The following ARHGAP6 variants were observed in gnomAD, a reference collection of about 807,000 sequenced individuals.
ARHGAP6 encodes Rho GTPase activating protein 6, also known as rho GTPase-activating protein 6.
In ARHGAP6, 16 loss-of-function variants were observed where a neutral mutation model predicts 55.7. That is an observed-to-expected ratio of 0.29 (90% CI 0.19 to 0.44). The LOEUF (loss-of-function observed/expected upper bound fraction) is 0.44, where lower values mean the gene tolerates loss of function less well. Among genes scored for constraint, ARHGAP6 ranks in the 20% least tolerant of loss-of-function variants. The pLI, the probability that ARHGAP6 is intolerant of heterozygous loss-of-function variation, is 1.00. For missense variants in ARHGAP6, 698 were observed against 808.9 expected (o/e 0.86, Z 1.66); for synonymous variants, 382 against 360.9 (o/e 1.06, Z -0.66).
intron 1 of ARHGAP6, among the ~76,000 whole-genome samples, chrX:11,468,167 G>A (rs1156944164): frequency 1.8e-5 from 2 of 111,086 alleles, no homozygotes; most frequent in Non-Finnish European, 3.8e-5. Context: ...CTTGATCAGG[G>A]TGCTAGTTAT....
chrX:11,351,533 G>A lies in ARHGAP6; in HGVS notation c.589-96826C>T, dbSNP rs142491496. On this transcript the variant is annotated intron_variant, in intron 1 of 12. Coordinates refer to ENST00000337414, the MANE Select transcript of ARHGAP6 (RefSeq NM_013427.3). ...GATAGTGGCGTTGGAAGTGATTAGA[G>A]TAGAAAGGGGAAGTGAGAAGCCATG... 5.0e-4 allele frequency: 444 copies of A among 894,709 alleles called. 1 individual carries two copies. In the East Asian group the frequency reaches 0.031, roughly 63 times the overall value. The allele number at this position is 894,709 out of a possible 1,213,427, so 73.7% of individuals were successfully genotyped here.
At chrX:11,550,324 C>CCA (rs2051254210) in intron 1 of ARHGAP6, among the ~76,000 whole-genome samples, 1 of 111,778 alleles carries the variant, frequency 8.9e-6, no homozygotes. Flanking sequence ...AATACAGGAA[C>CCA]CTTGGCTGGC....
At chrX:11,551,290 T>C (rs1309417805) in intron 1 of ARHGAP6, among the ~76,000 whole-genome samples, 1 of 111,818 alleles carries the variant, frequency 8.9e-6, no homozygotes, top group Admixed American at 9.5e-5. Flanking sequence ...TTATGTATAT[T>C]CTACTGAAGG....
At chrX:11,561,362 C>T (rs893375164) in intron 1 of ARHGAP6, among the ~76,000 whole-genome samples, 1 of 111,907 alleles carries the variant, frequency 8.9e-6, no homozygotes, top group African/African-American at 3.2e-5. Context: ...AAATTGTATA[C>T]AAATTATGCA....
At chrX:11,258,293 G>A (rs1363553775) in intron 1 of ARHGAP6, among the ~76,000 whole-genome samples, 1 of 109,737 alleles carries the variant, frequency 9.1e-6, no homozygotes, top group Non-Finnish European at 1.9e-5. Context: ...CCACATAGAT[G>A]CTAGAGAATA....
chrX:11,354,325 CTCTATATATATATA>C (rs1294555896), intron 1 of ARHGAP6, among the ~76,000 whole-genome samples: 3 of 47,569 alleles, frequency 6.3e-5, no homozygotes, highest in Non-Finnish European at 1.1e-4. Context: ...CTCTCTCTCT[CTCTATATATATATA>C]TATATATATA....
intron 1 of ARHGAP6, among the ~76,000 whole-genome samples, chrX:11,309,855 A>G (rs1462340519): frequency 8.9e-6 from 1 of 111,863 alleles, no homozygotes; most frequent in Admixed American, 9.5e-5. Context: ...ATTAGCCATC[A>G]GGGAAATGCA....
intron 1 of ARHGAP6, among the ~76,000 whole-genome samples, chrX:11,523,226 G>T (rs2050952480): frequency 9.0e-6 from 1 of 111,204 alleles, no homozygotes; most frequent in African/African-American, 3.3e-5. Context: ...GTATTGATGG[G>T]ACATATCTCA....
At chrX:11,148,754 G>A (rs748794886) in intron 10 of ARHGAP6, 12 of 363,657 alleles carry the variant, frequency 3.3e-5, no homozygotes, top group South Asian at 1.2e-4. Flanking sequence ...TTCAATCACC[G>A]GATGGGGCCC....
chrX:11,342,277 T>C (rs1361989346), intron 1 of ARHGAP6, among the ~76,000 whole-genome samples: 2 of 112,082 alleles, frequency 1.8e-5, no homozygotes, highest in Non-Finnish European at 3.8e-5. Flanking sequence ...CCTTTGGTAG[T>C]CTTATTGCTG....
chrX:11,142,214 T>A lies in ARHGAP6; in HGVS notation c.2257+19A>T. 1 of 1,134,006 alleles carries A rather than the reference T, an allele frequency of 8.8e-7. No individual in the cohort carries two copies. The highest frequency in any genetic ancestry group is 1.8e-5 in the African/African-American group (1 of 55,629). 93.5% of individuals were successfully genotyped at this position (1,134,006 alleles called of 1,213,427 possible). A position where few individuals can be genotyped will look rare whatever the true frequency, so the allele number is the denominator to read the frequency against. On this transcript the variant is annotated intron_variant, in intron 12 of 12. Transcript: ENST00000337414. Reference sequence around the variant, plus strand: ...AATTTTAAAAGTAAATGCAATAAAGTTTAAAATTAATACTTCACCTGTCAT... The same window carrying A: ...AATTTTAAAAGTAAATGCAATAAAGATTAAAATTAATACTTCACCTGTCAT...
intron 1 of ARHGAP6, among the ~76,000 whole-genome samples, chrX:11,284,410 A>G (rs2047896336): frequency 8.9e-6 from 1 of 111,814 alleles, no homozygotes; most frequent in African/African-American, 3.3e-5. Context: ...CATTCAACTA[A>G]TATCCATGAT....
intron 1 of ARHGAP6, among the ~76,000 whole-genome samples, chrX:11,495,630 T>C (rs1030457904): frequency 9.0e-6 from 1 of 110,972 alleles, no homozygotes; most frequent in Admixed American, 9.6e-5. Context: ...TTTATGTCTG[T>C]GGCATGCTGA....
intron 1 of ARHGAP6, among the ~76,000 whole-genome samples, chrX:11,557,074 G>A (rs776013386): frequency 3.6e-5 from 4 of 112,065 alleles, no homozygotes; most frequent in Admixed American, 9.5e-5. Flanking sequence ...ACTGAGCTTC[G>A]ATAAAATTAA....
Position 11,138,760 on chromosome X carries a change from T to C in ARHGAP6, c.*103A>G. 1 of 889,146 alleles carries C rather than the reference T, an allele frequency of 1.1e-6. No individual in the cohort carries two copies. Among genetic ancestry groups the C allele is most frequent in the African/African-American group, 2.0e-5 (1 of 49,656 alleles). 73.3% of individuals were successfully genotyped at this position (889,146 alleles called of 1,213,427 possible). A position where few individuals can be genotyped will look rare whatever the true frequency, so the allele number is the denominator to read the frequency against. On this transcript the variant is annotated 3_prime_UTR_variant, in exon 13 of 13. Coordinates refer to ENST00000337414, the MANE Select transcript of ARHGAP6 (RefSeq NM_013427.3). Reference sequence around the variant, plus strand: ...TTTCTCTTGTGTCACTTTTGAGAAGTGTGAAAGAAGAACACTAAGTGTGCC... The same window carrying C: ...TTTCTCTTGTGTCACTTTTGAGAAGCGTGAAAGAAGAACACTAAGTGTGCC...
At chrX:11,333,796 G>A (rs993127756) in intron 1 of ARHGAP6, among the ~76,000 whole-genome samples, 8 of 112,069 alleles carry the variant, frequency 7.1e-5, no homozygotes, top group Admixed American at 6.6e-4. Context: ...ACTTGAGGCT[G>A]ACTGTTAATG....
In ARHGAP6 at chrX:11,538,955, A is replaced by AG; in HGVS notation, c.588+125285dup. Reference sequence around the variant, plus strand: ...CTGCAACCTCTGCCTCCTGGGTTCAAGGGATTCTCACGTCTCAGCCTCCCA... The same window carrying AG: ...CTGCAACCTCTGCCTCCTGGGTTCAAGGGGATTCTCACGTCTCAGCCTCCCA... On this transcript the variant is annotated intron_variant, in intron 1 of 12. Transcript: ENST00000337414. Among the ~76,000 whole-genome samples the AG allele has an allele frequency of 3.7e-5, 4 of 109,393 alleles. 1 individual carries two copies. In the Admixed American group the frequency reaches 3.9e-4, roughly 11 times the overall value. 95.0% of individuals were successfully genotyped at this position (109,393 alleles called of 115,157 possible).
chrX:11,405,626 A>G (rs1464671450), intron 1 of ARHGAP6, among the ~76,000 whole-genome samples: 3 of 112,265 alleles, frequency 2.7e-5, no homozygotes, highest in African/African-American at 9.7e-5. Context: ...TAGTCTAAAC[A>G]TTGAATTGTT....
At position 11,652,230 on chromosome X, in the gene ARHGAP6, G is replaced by A. The variant is rs187064819; in HGVS notation, c.588+12011C>T. Among the ~76,000 whole-genome samples, 83 of 112,142 alleles carry A rather than the reference G, an allele frequency of 7.4e-4. 1 individual carries two copies. Among genetic ancestry groups the A allele is most frequent in the Non-Finnish European group, 7.5e-4 (40 of 53,204 alleles). ...CTATGTTCTGAATGGTATTGCTTCA[G>A]TTGTCCTCCACGGTTTTTACAGTGT... On this transcript the variant is annotated intron_variant, in intron 1 of 12. Coordinates refer to ENST00000337414, the MANE Select transcript of ARHGAP6 (RefSeq NM_013427.3).
Sources: gnomAD v4.1 joint callset for allele counts (sites outside exome capture counted in the v4.1 genomes callset) on GRCh38, gnomAD v4.1.1 for gene constraint, MANE v1.5 for transcripts, NCBI Gene and HGNC (gene_info 2026-07-23, HGNC 2026-07-21) for gene names.